CCDC125: variants seen among roughly 807,000 people sequenced by gnomAD.
The protein encoded by CCDC125 is coiled-coil domain containing 125.
In CCDC125, 43 loss-of-function variants were observed where a neutral mutation model predicts 57.4. The ratio of observed to expected loss-of-function variants is 0.75; its 90% CI spans 0.59 to 0.97. The LOEUF (loss-of-function observed/expected upper bound fraction) is 0.97, where lower values mean the gene tolerates loss of function less well. Among genes scored for constraint, CCDC125 ranks in the 50% least tolerant of loss-of-function variants. The pLI, the probability that CCDC125 is intolerant of heterozygous loss-of-function variation, is 0.00. For synonymous variants in CCDC125, 187 were observed against 195.2 expected, an observed-to-expected ratio of 0.96 and a Z score of 0.35; for missense variants, 563 against 595.7, an observed-to-expected ratio of 0.95 and a Z score of 0.57.
At chr5:69,298,869 AG>A (rs1406672000) in intron 8 of CCDC125, among the ~76,000 whole-genome samples, 9 of 152,326 alleles carry the variant, frequency 5.9e-5, no homozygotes, top group Non-Finnish European at 8.8e-5. Flanking sequence ...CTCTGTCTAC[AG>A]GCTGCAAATC....
chr5:69,293,967 C>T (rs1276786789), intron 9 of CCDC125: 1 of 155,084 alleles, frequency 6.4e-6, no homozygotes, highest in Non-Finnish European at 1.4e-5. Flanking sequence ...AACAATCATC[C>T]AAGGTAGTTA....
In CCDC125 at chr5:69,295,485, T is replaced by G. The variant is rs1755159466; in HGVS notation, c.817-585A>C. On this transcript the variant is annotated intron_variant, in intron 8 of 11. Coordinates refer to ENST00000396496, the MANE Select transcript of CCDC125 (RefSeq NM_176816.5). The stretch of plus-strand genomic sequence containing the variant: ...AAGGGTGAAGTTAAGCCCTGGAGAC[T>G]CAGTCAGGTAGCATGTTTGAAATGC... 2.0e-5 allele frequency among the ~76,000 whole-genome samples: 3 copies of G among 152,200 alleles called. No individual in the cohort carries two copies. In the South Asian group the frequency reaches 6.2e-4, roughly 31 times the overall value.
rs192195366 is a variant in CCDC125 at position 69,313,596 on chromosome 5, T to C, written c.366+389A>G. The C allele has an allele frequency of 4.8e-5, 35 of 732,012 alleles. No individual in the cohort carries two copies. In the African/African-American group the frequency reaches 5.7e-4, roughly 12 times the overall value. The allele number at this position is 732,012 out of a possible 1,614,324, so 45.3% of individuals were successfully genotyped here. A position where few individuals can be genotyped will look rare whatever the true frequency, so the allele number is the denominator to read the frequency against. ...ACACCAGGTCCTCCTTCTTGCTCTC[T>C]TGGTCTCATAGGTTGCGTCATAGAG... On this transcript the variant is annotated intron_variant, in intron 3 of 11. Transcript: ENST00000396496.
chr5:69,277,784 T>A (rs867112652), downstream of CCDC125, among the ~76,000 whole-genome samples: 220 of 146,004 alleles, frequency 1.5e-3, no homozygotes, highest in African/African-American at 5.3e-3. Flanking sequence ...AAAAAAAAAA[T>A]GTAGTAGTGG....
At chr5:69,296,780 A>G (rs1374122431) in intron 8 of CCDC125, among the ~76,000 whole-genome samples, 4 of 151,968 alleles carry the variant, frequency 2.6e-5, no homozygotes. Flanking sequence ...CCTAACCAAC[A>G]TGGTGAAACC....
At chr5:69,321,398 T>C (rs1013812200) in intron 1 of CCDC125, among the ~76,000 whole-genome samples, 1 of 152,176 alleles carries the variant, frequency 6.6e-6, no homozygotes, top group Non-Finnish European at 1.5e-5. Context: ...GATGGGAATA[T>C]ATTCTGAGAA....
intron 2 of CCDC125, 139 bp from the exon 3 acceptor site, chr5:69,314,185 C>A: frequency 1.6e-6 from 1 of 607,542 alleles, no homozygotes; most frequent in Non-Finnish European, 2.9e-6. Flanking sequence ...TAATAGAACA[C>A]CAGGTGCGGT....
At chr5:69,323,952 G>C (rs1011803028) in intron 1 of CCDC125, 1 of 151,618 alleles carries the variant, frequency 6.6e-6, no homozygotes, top group Non-Finnish European at 1.5e-5. Context: ...TTCTCTCAAG[G>C]CTCATTAAAA....
At chr5:69,297,892 G>A (rs1477858905) in intron 8 of CCDC125, among the ~76,000 whole-genome samples, 1 of 151,670 alleles carries the variant, frequency 6.6e-6, no homozygotes, top group Non-Finnish European at 1.5e-5. Context: ...AGGATCACTT[G>A]AGCCCAGGAG....
Position 69,282,841 on chromosome 5 carries a change from A to T in CCDC125, c.1424T>A (p.Val475Asp), listed in dbSNP as rs201030560. 1 of 1,614,138 alleles carries T rather than the reference A, an allele frequency of 6.2e-7. No homozygotes were observed. Among genetic ancestry groups the T allele is most frequent in the Non-Finnish European group, 8.5e-7 (1 of 1,180,000 alleles). ...SVLGDPIHSS[V>D]CILNSVGCIC... is the part of the protein sequence containing the mutation. ...GCAGCCCACAGAATTTAAAATGCAG[A>T]CACTTGAATGTATAGGATCACCCAA... Residue 475 changes from valine to aspartate, a missense_variant, in exon 12 of 12, where the codon GTC becomes GAC. By Grantham distance (152) the Val-to-Asp change is radical (BLOSUM62 -3). Transcript: ENST00000396496.
rs1218553709 is a variant in CCDC125, at chr5:69,306,922, C to A, written c.532-20G>T. 3 of 1,469,378 alleles carry A rather than the reference C, an allele frequency of 2.0e-6. No homozygotes were observed. Among genetic ancestry groups the A allele is most frequent in the East Asian group, 2.5e-5 (1 of 39,712 alleles). 91.0% of individuals were successfully genotyped at this position (1,469,378 alleles called of 1,614,324 possible). ...TATTTCCTATGGAAAGAAAATAGTA[C>A]CTTCATGGCAAATTACTACAAATAA... On this transcript the variant is annotated intron_variant, in intron 5 of 11. Transcript: ENST00000396496.
downstream of CCDC125, among the ~76,000 whole-genome samples, chr5:69,275,808 C>T (rs1015732376): frequency 4.6e-5 from 7 of 152,050 alleles, no homozygotes; most frequent in East Asian, 9.6e-4. Context: ...ACCCCATTCT[C>T]CACAAAAAAT....
chr5:69,299,480 C>T (rs1220705952), intron 8 of CCDC125, among the ~76,000 whole-genome samples: 1 of 152,126 alleles, frequency 6.6e-6, no homozygotes, highest in Non-Finnish European at 1.5e-5. Flanking sequence ...TTGTGAGGCC[C>T]CTTCTGACCT....
At chr5:69,310,937 T>A (rs1472872607) in intron 4 of CCDC125, 181 bp downstream of exon 4, 1 of 376,126 alleles carries the variant, frequency 2.7e-6, no homozygotes, top group Non-Finnish European at 4.8e-6. Context: ...TAAAAATGAA[T>A]TGTAGTGTAC....
the CCDC125 span, among the ~76,000 whole-genome samples, chr5:69,274,632 T>C: frequency 1.7e-4 from 26 of 152,238 alleles, 1 homozygote; most frequent in African/African-American, 6.0e-4. Flanking sequence ...TTATTTATTT[T>C]TGAGACGAAG....
chr5:69,283,777 C>A (rs182551784), intron 11 of CCDC125, among the ~76,000 whole-genome samples: 153 of 146,336 alleles, frequency 1.0e-3, no homozygotes, highest in African/African-American at 3.7e-3. Flanking sequence ...TGTGTGCCAC[C>A]ATGCCAGGCT....
chr5:69,281,916 G>A lies in CCDC125; in HGVS notation c.*813C>T, dbSNP rs536232487. 1 of 149,212 alleles carries A rather than the reference G, an allele frequency of 6.7e-6. No homozygotes were observed. The highest frequency in any genetic ancestry group is 2.0e-4 in the East Asian group (1 of 5,082). The allele number at this position is 149,212 out of a possible 1,614,324, so 9.2% of individuals were successfully genotyped here. A position where few individuals can be genotyped will look rare whatever the true frequency, so the allele number is the denominator to read the frequency against. The stretch of plus-strand genomic sequence containing the variant: ...TGTTTTTTTTTTTTTTTGAGACAGA[G>A]TTTCGCTCTTGTCGCCCAGGCTGGA... On this transcript the variant is annotated 3_prime_UTR_variant, in exon 12 of 12. Transcript: ENST00000396496.
intron 2 of CCDC125, among the ~76,000 whole-genome samples, chr5:69,315,557 G>C (rs1758927955): frequency 6.8e-6 from 1 of 147,772 alleles, no homozygotes; most frequent in Non-Finnish European, 1.5e-5. Flanking sequence ...AGGAGTTCTA[G>C]ACCAGCCTGG....
intron 8 of CCDC125, among the ~76,000 whole-genome samples, chr5:69,297,803 A>AT (rs1755636418): frequency 6.6e-6 from 1 of 150,820 alleles, no homozygotes; most frequent in Admixed American, 6.6e-5. Flanking sequence ...TCTACAAAAA[A>AT]TAAAAAAAAA....
Sources: gnomAD v4.1 joint callset for allele counts (sites outside exome capture counted in the v4.1 genomes callset) on GRCh38, gnomAD v4.1.1 for gene constraint, MANE v1.5 for transcripts, NCBI Gene and HGNC (gene_info 2026-07-23, HGNC 2026-07-21) for gene names.